The following SLC9A9 variants were observed in gnomAD, a reference collection of about 807,000 sequenced individuals.
SLC9A9 encodes sodium/hydrogen exchanger 9.
In SLC9A9, 62 loss-of-function variants were observed where a neutral mutation model predicts 77.8. The ratio of observed to expected loss-of-function variants is 0.80; its 90% CI spans 0.65 to 0.98. The LOEUF (loss-of-function observed/expected upper bound fraction) is 0.98, where lower values mean the gene tolerates loss of function less well. Ranked by LOEUF, SLC9A9 falls within the 50% of genes least tolerant of loss-of-function variation. The pLI is 0.00. For synonymous variants in SLC9A9, 320 were observed against 283.5 expected (o/e 1.13, Z -1.29); for missense variants, 775 against 774.9 (o/e 1.00, Z 0.00).
At chr3:143,321,841 G>T (rs2031432082) in intron 14 of SLC9A9, among the ~76,000 whole-genome samples, 1 of 152,190 alleles carries the variant, frequency 6.6e-6, no homozygotes, top group Non-Finnish European at 1.5e-5. Context: ...TCTCAAACTT[G>T]TTTAGGCTAT....
chr3:143,752,797 A>G (rs560996490), intron 4 of SLC9A9, among the ~76,000 whole-genome samples: 13 of 151,964 alleles, frequency 8.6e-5, no homozygotes, highest in Admixed American at 8.5e-4. Context: ...AAAATGGGAG[A>G]TAAGCTTTGC....
intron 11 of SLC9A9, among the ~76,000 whole-genome samples, chr3:143,477,672 A>C (rs2035503015): frequency 6.6e-6 from 1 of 152,016 alleles, no homozygotes; most frequent in South Asian, 2.1e-4. Flanking sequence ...TAAACTGTTG[A>C]AGTTTGGGAG....
intron 2 of SLC9A9, among the ~76,000 whole-genome samples, chr3:143,806,359 G>C (rs909256032): frequency 8.5e-5 from 13 of 152,082 alleles, no homozygotes; most frequent in African/African-American, 3.1e-4. Context: ...TGTGGCATCT[G>C]TGTTTCATTG....
intron 2 of SLC9A9, among the ~76,000 whole-genome samples, chr3:143,800,558 C>T (rs1392881642): frequency 1.3e-5 from 2 of 152,184 alleles, no homozygotes; most frequent in South Asian, 2.1e-4. Flanking sequence ...TCACTATTCC[C>T]CTGCACCACT....
chr3:143,465,376 A>C (rs951337055), intron 12 of SLC9A9, among the ~76,000 whole-genome samples: 2 of 152,230 alleles, frequency 1.3e-5, no homozygotes, highest in Non-Finnish European at 2.9e-5. Flanking sequence ...AAGTTATGAC[A>C]CCTATTTGAA....
chr3:143,652,810 C>T (rs1345172), intron 5 of SLC9A9, among the ~76,000 whole-genome samples: 5,994 of 148,176 alleles, frequency 0.04, 146 homozygotes, highest in South Asian at 0.081. Flanking sequence ...CACACACACA[C>T]ACTTCTTGCT....
intron 11 of SLC9A9, among the ~76,000 whole-genome samples, chr3:143,481,698 T>C (rs1224852870): frequency 6.6e-6 from 1 of 152,214 alleles, no homozygotes; most frequent in African/African-American, 2.4e-5. Flanking sequence ...TCAGGGCTTC[T>C]AATAAGCTTC....
chr3:143,726,452 G>A (rs1934659033), intron 4 of SLC9A9, among the ~76,000 whole-genome samples: 1 of 152,050 alleles, frequency 6.6e-6, no homozygotes, highest in African/African-American at 2.4e-5. Flanking sequence ...TCTATTGTAT[G>A]CAAGTTATAC....
chr3:143,479,596 C>T (rs1175308739), intron 11 of SLC9A9, among the ~76,000 whole-genome samples: 1 of 152,082 alleles, frequency 6.6e-6, no homozygotes, highest in Non-Finnish European at 1.5e-5. Flanking sequence ...AGGAGTAAGT[C>T]ACTGCTGGAA....
chr3:143,430,634 A>T (rs1445038412), intron 12 of SLC9A9, among the ~76,000 whole-genome samples: 1 of 152,216 alleles, frequency 6.6e-6, no homozygotes, highest in Non-Finnish European at 1.5e-5. Context: ...GGGGAGGCCA[A>T]TGAAGCTGCA....
chr3:143,674,061 T>C (rs577595861), intron 5 of SLC9A9, among the ~76,000 whole-genome samples: 1 of 152,360 alleles, frequency 6.6e-6, no homozygotes, highest in South Asian at 2.1e-4. Flanking sequence ...AAGAATTCAC[T>C]GCTAATAAAA....
intron 4 of SLC9A9, among the ~76,000 whole-genome samples, chr3:143,698,705 C>CT (rs144733878): frequency 0.049 from 7,492 of 152,184 alleles, 616 homozygotes; most frequent in African/African-American, 0.17. Context: ...CCTCCCTCTT[C>CT]TTTTTTAAAA....
intron 14 of SLC9A9, among the ~76,000 whole-genome samples, chr3:143,277,836 T>C (rs1248562460): frequency 6.6e-6 from 1 of 152,220 alleles, no homozygotes; most frequent in East Asian, 1.9e-4. Flanking sequence ...AAATGAACTC[T>C]GAGAAGCAAC....
At chr3:143,796,958 A>G in intron 2 of SLC9A9, 55 bp from the exon 3 acceptor site, 1 of 1,413,810 alleles carries the variant, frequency 7.1e-7, no homozygotes, top group Non-Finnish European at 1.0e-6. Context: ...GGTCATTAAA[A>G]AAACATGTTT....
intron 8 of SLC9A9, among the ~76,000 whole-genome samples, chr3:143,563,448 T>A (rs980615473): frequency 6.6e-6 from 1 of 152,012 alleles, no homozygotes; most frequent in Non-Finnish European, 1.5e-5. Context: ...ATACTGGGAG[T>A]CAGAAGACAT....
At chr3:143,598,426 C>T (rs1559986616) in intron 6 of SLC9A9, among the ~76,000 whole-genome samples, 1 of 152,294 alleles carries the variant, frequency 6.6e-6, no homozygotes, top group East Asian at 1.9e-4. Flanking sequence ...AGAGGAGCCT[C>T]CTGCTTTCAC....
intron 6 of SLC9A9, among the ~76,000 whole-genome samples, chr3:143,594,830 C>T (rs867075884): frequency 4.6e-5 from 7 of 152,130 alleles, no homozygotes; most frequent in Admixed American, 6.5e-5. Context: ...GAAAAGGATT[C>T]GCTTCCCTCC....
intron 12 of SLC9A9, among the ~76,000 whole-genome samples, chr3:143,422,413 C>T (rs2034316465): frequency 6.6e-6 from 1 of 152,174 alleles, no homozygotes; most frequent in Non-Finnish European, 1.5e-5. Context: ...GAATATTATG[C>T]AGCCATAAAA....
intron 4 of SLC9A9, among the ~76,000 whole-genome samples, chr3:143,716,664 T>C (rs373535899): frequency 2.0e-5 from 3 of 152,102 alleles, no homozygotes; most frequent in Non-Finnish European, 2.9e-5. Flanking sequence ...AGAATAGGGT[T>C]ACCAGTTCAA....
Sources: gnomAD v4.1 joint callset for allele counts (sites outside exome capture counted in the v4.1 genomes callset) on GRCh38, gnomAD v4.1.1 for gene constraint, MANE v1.5 for transcripts, NCBI Gene and HGNC (gene_info 2026-07-23, HGNC 2026-07-21) for gene names.